The following SNTG1 variants were observed in gnomAD, a reference collection of about 807,000 sequenced individuals.
The protein encoded by SNTG1 is syntrophin gamma 1, also known as gamma-1-syntrophin.
Under a neutral mutation model 74.7 loss-of-function variants are expected in SNTG1, and 39 were observed. The observed-to-expected ratio is 0.52, with a 90% CI of 0.40 to 0.68. SNTG1 has a LOEUF of 0.68. Ranked by LOEUF, SNTG1 falls within the 30% of genes least tolerant of loss-of-function variation. The pLI, the probability that SNTG1 is intolerant of heterozygous loss-of-function variation, is 0.00. For missense variants in SNTG1, 685 were observed against 609.5 expected (o/e 1.12, Z -1.30); for synonymous variants, 254 against 217.1 (o/e 1.17, Z -1.49).
chr8:50,272,377 C>G (rs2087829022), intron 2 of SNTG1, among the ~76,000 whole-genome samples: 1 of 152,122 alleles, frequency 6.6e-6, no homozygotes, highest in Non-Finnish European at 1.5e-5. Context: ...TGCTTTCATG[C>G]CTGCAACTTT....
intron 12 of SNTG1, among the ~76,000 whole-genome samples, chr8:50,584,452 GC>G (rs1302189259): frequency 6.6e-6 from 1 of 150,758 alleles, no homozygotes; most frequent in African/African-American, 2.4e-5. Context: ...TTTGATGATT[GC>G]CATTCTAACT....
chr8:50,029,285 G>A (rs1173911340), intron 1 of SNTG1, among the ~76,000 whole-genome samples: 2 of 151,968 alleles, frequency 1.3e-5, no homozygotes, highest in African/African-American at 4.8e-5. Flanking sequence ...TAATCTCAAT[G>A]GGTAATAATC....
intron 4 of SNTG1, among the ~76,000 whole-genome samples, chr8:50,416,280 A>C (rs1396638862): frequency 1.3e-5 from 2 of 152,162 alleles, no homozygotes; most frequent in African/African-American, 4.8e-5. Flanking sequence ...GGTTATAAGC[A>C]TAGTCACACA....
intron 15 of SNTG1, among the ~76,000 whole-genome samples, chr8:50,700,884 G>A (rs2095421252): frequency 6.6e-6 from 1 of 152,176 alleles, no homozygotes; most frequent in Non-Finnish European, 1.5e-5. Flanking sequence ...ATGGCAAGAA[G>A]TTTTCAGAGA....
chr8:50,443,074 C>T (rs1362950267), intron 5 of SNTG1, among the ~76,000 whole-genome samples: 5 of 152,178 alleles, frequency 3.3e-5, no homozygotes, highest in Non-Finnish European at 7.3e-5. Context: ...ACTACATCTG[C>T]AGAAATCACC....
intron 8 of SNTG1, among the ~76,000 whole-genome samples, chr8:50,456,622 C>A (rs1490525688): frequency 6.6e-6 from 1 of 152,102 alleles, no homozygotes; most frequent in Non-Finnish European, 1.5e-5. Flanking sequence ...GTGAAACACT[C>A]CTGATTTAAT....
intron 17 of SNTG1, among the ~76,000 whole-genome samples, chr8:50,729,810 G>T (rs1248573363): frequency 6.6e-6 from 1 of 152,118 alleles, no homozygotes; most frequent in Non-Finnish European, 1.5e-5. Context: ...CTGAAGCTTT[G>T]ATTGTCCTAC....
intron 1 of SNTG1, among the ~76,000 whole-genome samples, chr8:50,096,165 C>T (rs1356215597): frequency 6.6e-6 from 1 of 152,144 alleles, no homozygotes; most frequent in Non-Finnish European, 1.5e-5. Context: ...AATCCCAAGA[C>T]TAGGATTCAA....
chr8:50,484,055 T>C (rs2093762555), intron 8 of SNTG1, among the ~76,000 whole-genome samples: 1 of 152,042 alleles, frequency 6.6e-6, no homozygotes, highest in Admixed American at 6.5e-5. Context: ...GTAAACATTC[T>C]GGATTTTCTT....
Position 49,969,385 on chromosome 8 carries a change from A to ATATTTTTTTTTTT in SNTG1, c.-103+57155_-103+57156insATTTTTTTTTTTT, listed in dbSNP as rs1811434626. On this transcript the variant is annotated intron_variant, in intron 1 of 18. Coordinates refer to ENST00000642720, the MANE Select transcript of SNTG1 (RefSeq NM_018967.5). ...GCAAATACACATTTTAATTCATTTA[A>ATATTTTTTTTTTT]TCTTTTTTTTTTTTTTTTTTTTTTT... 2.6e-5 allele frequency among the ~76,000 whole-genome samples: 3 copies of ATATTTTTTTTTTT among 116,628 alleles called. 1 individual carries two copies. The allele number at this position is 116,628 out of a possible 152,430, so 76.5% of individuals were successfully genotyped here.
Position 50,062,181 on chromosome 8 carries a change from G to T in SNTG1, c.-102-110380G>T, listed in dbSNP as rs1211636800. ...GCCTCAGCCTCCTGAGTAGCTGGGA[G>T]TATAGGTGCATGTCACCACTCCTGG... On this transcript the variant is annotated intron_variant, in intron 1 of 18. Transcript: ENST00000642720. 2.0e-5 allele frequency among the ~76,000 whole-genome samples: 3 copies of T among 151,932 alleles called. No individual in the cohort carries two copies. In the East Asian group the frequency reaches 5.8e-4, roughly 30 times the overall value.
At chr8:50,543,040 T>C (rs537138543) in intron 11 of SNTG1, among the ~76,000 whole-genome samples, 1 of 152,286 alleles carries the variant, frequency 6.6e-6, no homozygotes, top group African/African-American at 2.4e-5. Context: ...GTAGATTGTC[T>C]CTCACTTTAT....
At chr8:49,976,165 G>T (rs1485188825) in intron 1 of SNTG1, among the ~76,000 whole-genome samples, 1 of 152,116 alleles carries the variant, frequency 6.6e-6, no homozygotes. Flanking sequence ...CATTTAATTA[G>T]ATCCTATATC....
rs552255471 is a variant in SNTG1 at position 49,914,776 on chromosome 8, A to G, written c.-103+2545A>G. On this transcript the variant is annotated intron_variant, in intron 1 of 18. Transcript: ENST00000642720. Reference sequence around the variant, plus strand: ...GCTGTTTTTGACCACTTAAAGATTTATAAATTCCAAGCAGCTAGCCTGCTT... The same window carrying G: ...GCTGTTTTTGACCACTTAAAGATTTGTAAATTCCAAGCAGCTAGCCTGCTT... Among the ~76,000 whole-genome samples, 288 of 152,346 alleles carry G rather than the reference A, an allele frequency of 1.9e-3. 1 individual carries two copies. The highest frequency in any genetic ancestry group is 6.5e-3 in the African/African-American group (271 of 41,592).
chr8:50,451,152 C>G (rs969558700), intron 8 of SNTG1, among the ~76,000 whole-genome samples: 2 of 152,008 alleles, frequency 1.3e-5, no homozygotes, highest in Non-Finnish European at 2.9e-5. Context: ...AACCAACCAT[C>G]TGTAGAAAAT....
At chr8:50,459,863 A>T (rs2093543862) in intron 8 of SNTG1, among the ~76,000 whole-genome samples, 2 of 152,186 alleles carry the variant, frequency 1.3e-5, no homozygotes. Context: ...TTTTACTGCC[A>T]TATAACATTT....
chr8:50,287,309 T>G (rs2088840939), intron 2 of SNTG1, among the ~76,000 whole-genome samples: 2 of 152,330 alleles, frequency 1.3e-5, no homozygotes, highest in African/African-American at 4.8e-5. Context: ...TTGTCATATT[T>G]TTCTTCCAAT....
intron 1 of SNTG1, among the ~76,000 whole-genome samples, chr8:50,112,622 A>G (rs1253290119): frequency 7.1e-6 from 1 of 141,832 alleles, no homozygotes; most frequent in Non-Finnish European, 1.5e-5. Context: ...TCCCAGGTTC[A>G]AGAGAGTCTT....
chr8:50,018,733 A>G (rs1407387010), intron 1 of SNTG1, among the ~76,000 whole-genome samples: 1 of 152,200 alleles, frequency 6.6e-6, no homozygotes, highest in East Asian at 1.9e-4. Flanking sequence ...TTAATACATC[A>G]TATATATGGA....
Sources: allele counts gnomAD v4.1 joint callset (sites outside exome capture counted in the v4.1 genomes callset), GRCh38; gene constraint gnomAD v4.1.1; transcripts MANE v1.5; gene names NCBI Gene and HGNC (gene_info 2026-07-23, HGNC 2026-07-21).